POLE4: variants seen among roughly 807,000 people sequenced by gnomAD.
The protein encoded by POLE4 is DNA polymerase epsilon 4, accessory subunit.
Under a neutral mutation model 15.6 loss-of-function variants are expected in POLE4, and 15 were observed. The ratio of observed to expected loss-of-function variants is 0.96; its 90% CI spans 0.64 to 1.48. The LOEUF is 1.48. Ranked by LOEUF, POLE4 falls within the 40% of genes most tolerant of loss-of-function variation. The pLI is 0.00. For missense variants in POLE4, 205 were observed against 151.9 expected, an observed-to-expected ratio of 1.35 and a Z score of -1.84; for synonymous variants, 83 against 63.2, an observed-to-expected ratio of 1.31 and a Z score of -1.49.
intron 3 of POLE4, chr2:74,960,556 C>T (rs1481847271): frequency 1.0e-5 from 5 of 498,494 alleles, no homozygotes; most frequent in East Asian, 1.1e-4. Context: ...GATTATTTTG[C>T]TGCAATAAGA....
At chr2:74,965,112 G>A (rs180786780) in intron 3 of POLE4, among the ~76,000 whole-genome samples, 13 of 149,906 alleles carry the variant, frequency 8.7e-5, no homozygotes, top group African/African-American at 2.9e-4. Flanking sequence ...TTTTTGGTGG[G>A]GGATGGAGTC....
intron 3 of POLE4, among the ~76,000 whole-genome samples, chr2:74,967,804 A>G (rs1671317119): frequency 6.6e-6 from 1 of 152,228 alleles, no homozygotes; most frequent in Admixed American, 6.5e-5. Context: ...AGCCATTATC[A>G]GTGCAGGACT....
intron 3 of POLE4, chr2:74,961,068 C>T (rs1000498076): frequency 1.3e-5 from 2 of 153,244 alleles, no homozygotes; most frequent in African/African-American, 4.8e-5. Context: ...GTGGTGAAAT[C>T]GCCTGAAGAT....
intron 3 of POLE4, among the ~76,000 whole-genome samples, chr2:74,962,760 T>A (rs1422082898): frequency 6.6e-6 from 1 of 152,172 alleles, no homozygotes; most frequent in East Asian, 1.9e-4. Context: ...TCATACCTAT[T>A]CTCATCCCCT....
At chr2:74,960,290 T>G in intron 3 of POLE4, 144 bp downstream of exon 3, 1 of 714,528 alleles carries the variant, frequency 1.4e-6, no homozygotes, top group Non-Finnish European at 2.5e-6. Context: ...AAAAAGTAAC[T>G]TGCTAAACCT....
chr2:74,963,881 C>T (rs184790689), intron 3 of POLE4, among the ~76,000 whole-genome samples: 6 of 151,116 alleles, frequency 4.0e-5, no homozygotes, highest in Admixed American at 3.3e-4. Context: ...TCTTTTGATA[C>T]GCATTAAAAT....
chr2:74,965,494 G>T (rs1003865819), intron 3 of POLE4, among the ~76,000 whole-genome samples: 9 of 152,216 alleles, frequency 5.9e-5, no homozygotes, highest in African/African-American at 2.2e-4. Flanking sequence ...GCTGTTAGAG[G>T]GGTTGCAATG....
intron 3 of POLE4, among the ~76,000 whole-genome samples, chr2:74,966,931 T>C (rs1260104362): frequency 6.6e-6 from 1 of 152,204 alleles, no homozygotes. Flanking sequence ...TTTTTTTGGC[T>C]TCTATGTTTT....
At position 74,958,780 on chromosome 2, in the gene POLE4, C is replaced by G. The variant is rs1260346484; in HGVS notation, c.101C>G (p.Pro34Arg). 1 of 1,550,622 alleles carries G rather than the reference C, an allele frequency of 6.4e-7. No homozygotes were observed. Among genetic ancestry groups the G allele is most frequent in the East Asian group, 2.5e-5 (1 of 40,690 alleles). ...ASQPQAPTSV[P>R]GARLSRLPLA... ...CAGCCCCAGGCCCCAACGAGTGTGC[C>G]TGGGGCTCGTCTCTCGAGGTTGCCT... Residue 34 changes from proline to arginine, a missense_variant, in exon 1 of 4, where the codon CCT becomes CGT. Coordinates refer to ENST00000483063, the MANE Select transcript of POLE4 (RefSeq NM_019896.4).
intron 3 of POLE4, among the ~76,000 whole-genome samples, chr2:74,962,459 C>T (rs1432254656): frequency 2.0e-5 from 3 of 152,214 alleles, no homozygotes; most frequent in African/African-American, 7.2e-5. Context: ...AAAACTAGGA[C>T]TGTAAACAGT....
chr2:74,958,888 C>T lies in POLE4; in HGVS notation c.209C>T (p.Ala70Val), dbSNP rs1440127647. Reference sequence around the variant, plus strand: ...GAAGCCATCTTCATTCTGGCACGAGCCGCGGTGCGCCTGCAGCGCGAGGGC... The same window carrying T: ...GAAGCCATCTTCATTCTGGCACGAGTCGCGGTGCGCCTGCAGCGCGAGGGC... ...GQEAIFILAR[A>V]AELFVETIAK... is the part of the protein sequence containing the mutation. The change falls in exon 1 of 4, where the codon GCC becomes GTC. Residue 70 changes from alanine to valine, a missense_variant. Physicochemically the swap from Ala to Val is moderately conservative, Grantham distance 64. Coordinates refer to ENST00000483063, the MANE Select transcript of POLE4 (RefSeq NM_019896.4). The T allele has an allele frequency of 6.4e-7, 1 of 1,554,514 alleles. No individual in the cohort carries two copies. Among genetic ancestry groups the T allele is most frequent in the South Asian group, 1.2e-5 (1 of 84,364 alleles).
rs1418161625 is a variant in POLE4 at position 74,958,890 on chromosome 2, G to A, written c.211G>A (p.Ala71Thr). ...AGCCATCTTCATTCTGGCACGAGCC[G>A]CGGTGCGCCTGCAGCGCGAGGGCAT... ...QEAIFILARAAELFVETIAKD... is the reference protein window; with the variant it reads ...QEAIFILARATELFVETIAKD... Residue 71 changes from alanine to threonine, a missense_variant and splice_region_variant, in exon 1 of 4, where the codon GCG (alanine) becomes ACG (threonine). By Grantham distance (58) the Ala-to-Thr change is moderately conservative (BLOSUM62 0). Coordinates refer to ENST00000483063, the MANE Select transcript of POLE4 (RefSeq NM_019896.4). 1 of 1,554,618 alleles carries A rather than the reference G, an allele frequency of 6.4e-7. No individual in the cohort carries two copies. The highest frequency in any genetic ancestry group is 8.7e-7 in the Non-Finnish European group (1 of 1,148,810).
intron 3 of POLE4, chr2:74,960,995 A>C (rs1018013945): frequency 4.1e-5 from 7 of 172,360 alleles, no homozygotes; most frequent in Non-Finnish European, 7.7e-5. Flanking sequence ...TACCCTGTAG[A>C]CTAAGTGTGT....
chr2:74,964,630 A>G (rs1006700347), intron 3 of POLE4, among the ~76,000 whole-genome samples: 1 of 152,164 alleles, frequency 6.6e-6, no homozygotes, highest in Non-Finnish European at 1.5e-5. Context: ...TTTTAGAAAT[A>G]TAATTGATTT....
Position 74,958,856 on chromosome 2 carries a change from G to A in POLE4, c.177G>A (p.Ala59=). ...LVKADPDVTL[A]GQEAIFILAR... ...AGGCAGATCCCGACGTGACGCTAGCGGGACAGGAAGCCATCTTCATTCTGG... is the reference window on the plus strand; with the variant it reads ...AGGCAGATCCCGACGTGACGCTAGCAGGACAGGAAGCCATCTTCATTCTGG... The change falls in exon 1 of 4, where the codon GCG becomes GCA. Residue 59 remains alanine, a synonymous_variant. Transcript: ENST00000483063. 1.3e-6 allele frequency: 2 copies of A among 1,561,492 alleles called. No homozygotes were observed. Among genetic ancestry groups the A allele is most frequent in the Non-Finnish European group, 1.7e-6 (2 of 1,152,892 alleles).
In POLE4 at chr2:74,969,691, C is replaced by T; in HGVS notation, c.*269C>T. The stretch of plus-strand genomic sequence containing the variant: ...GAAAGTGTTCTGCATAAGTGGCTTC[C>T]TGAATGATGAGGACCAGAATAAAGG... On this transcript the variant is annotated 3_prime_UTR_variant, in exon 4 of 4. Transcript: ENST00000483063. 1 of 512,470 alleles carries T rather than the reference C, an allele frequency of 2.0e-6. No individual in the cohort carries two copies. The highest frequency in any genetic ancestry group is 1.9e-5 in the African/African-American group (1 of 52,362). 31.7% of individuals were successfully genotyped at this position (512,470 alleles called of 1,614,324 possible).
chr2:74,965,479 G>A (rs1671282763), intron 3 of POLE4, among the ~76,000 whole-genome samples: 1 of 152,206 alleles, frequency 6.6e-6, no homozygotes, highest in Non-Finnish European at 1.5e-5. Context: ...ATGGAATTCA[G>A]TGATGCTGTT....
In POLE4 at chr2:74,958,685, G is replaced by C. The variant is rs960803478; in HGVS notation, c.6G>C (p.Ala2=). 2.1e-6 allele frequency: 3 copies of C among 1,461,530 alleles called. No homozygotes were observed. Among genetic ancestry groups the C allele is most frequent in the Admixed American group, 6.0e-5 (2 of 33,498 alleles). The allele number at this position is 1,461,530 out of a possible 1,614,324, so 90.5% of individuals were successfully genotyped here. The change falls in exon 1 of 4, where the codon GCG becomes GCC. Residue 2 remains alanine, a synonymous_variant. Coordinates refer to ENST00000483063, the MANE Select transcript of POLE4 (RefSeq NM_019896.4). ...GCAGCACGCTCAAGGCCGGGATGGC[G>C]GCGGCGGCGGCGGCAGGAAGCGGGA... is the stretch of plus-strand genomic sequence containing the variant. The part of the protein sequence containing the change: M[A]AAAAAGSGTP...
Position 74,958,902 on chromosome 2 carries a change from C to T in POLE4, c.213+10C>T, listed in dbSNP as rs1438907319. On this transcript the variant is annotated intron_variant, in intron 1 of 3. Coordinates refer to ENST00000483063, the MANE Select transcript of POLE4 (RefSeq NM_019896.4). ...TCTGGCACGAGCCGCGGTGCGCCTGCAGCGCGAGGGCATGCGGGAGTGGGG... is the reference window on the plus strand; with the variant it reads ...TCTGGCACGAGCCGCGGTGCGCCTGTAGCGCGAGGGCATGCGGGAGTGGGG... The T allele has an allele frequency of 6.4e-7, 1 of 1,551,674 alleles. No homozygotes were observed. The highest frequency in any genetic ancestry group is 8.7e-7 in the Non-Finnish European group (1 of 1,147,052).
Sources: allele counts gnomAD v4.1 joint callset (sites outside exome capture counted in the v4.1 genomes callset), GRCh38; gene constraint gnomAD v4.1.1; transcripts MANE v1.5; gene names NCBI Gene and HGNC (gene_info 2026-07-23, HGNC 2026-07-21).